The following TMEM132C variants were observed in gnomAD, a reference collection of about 807,000 sequenced individuals.
TMEM132C encodes protein phosphatase 1, regulatory subunit 152.
Under a neutral mutation model 61.4 loss-of-function variants are expected in TMEM132C, and 29 were observed. The ratio of observed to expected loss-of-function variants is 0.47; its 90% CI spans 0.35 to 0.64. The LOEUF (loss-of-function observed/expected upper bound fraction) is 0.64, where lower values mean the gene tolerates loss of function less well. Ranked by LOEUF, TMEM132C falls within the 30% of genes least tolerant of loss-of-function variation. TMEM132C has a pLI of 0.00. For synonymous variants in TMEM132C, 656 were observed against 633.1 expected, an observed-to-expected ratio of 1.04 and a Z score of -0.54; for missense variants, 1,408 against 1,476.9, an observed-to-expected ratio of 0.95 and a Z score of 0.76.
chr12:128,655,736 A>G (rs1954319952), intron 4 of TMEM132C, among the ~76,000 whole-genome samples: 1 of 152,026 alleles, frequency 6.6e-6, no homozygotes, highest in Non-Finnish European at 1.5e-5. Flanking sequence ...ACTCCCTGCC[A>G]TTCCCAAACT....
At chr12:128,544,576 A>G (rs1873884650) in intron 3 of TMEM132C, among the ~76,000 whole-genome samples, 1 of 152,218 alleles carries the variant, frequency 6.6e-6, no homozygotes, top group African/African-American at 2.4e-5. Context: ...GATTTTTTAA[A>G]ATAATTGTTT....
chr12:128,519,147 CT>C (rs1472810406), intron 2 of TMEM132C, among the ~76,000 whole-genome samples: 2 of 152,304 alleles, frequency 1.3e-5, no homozygotes, highest in East Asian at 1.9e-4. Flanking sequence ...TAATTTTCCC[CT>C]CATCAGTACA....
At chr12:128,640,378 A>G (rs1954148289) in intron 4 of TMEM132C, among the ~76,000 whole-genome samples, 1 of 152,200 alleles carries the variant, frequency 6.6e-6, no homozygotes, top group African/African-American at 2.4e-5. Context: ...ACCAGTCACA[A>G]AAGACCACAT....
chr12:128,292,349 C>T (rs1315705421), intron 1 of TMEM132C, among the ~76,000 whole-genome samples: 5 of 152,196 alleles, frequency 3.3e-5, no homozygotes, highest in African/African-American at 9.6e-5. Flanking sequence ...GACAGGCCCA[C>T]ACTTCCCCAC....
chr12:128,457,612 C>G (rs1870391418), intron 2 of TMEM132C, among the ~76,000 whole-genome samples: 1 of 151,764 alleles, frequency 6.6e-6, no homozygotes. Flanking sequence ...CTAGTGATGC[C>G]TAATGGTATA....
chr12:128,391,867 G>A (rs1450563741), intron 1 of TMEM132C, among the ~76,000 whole-genome samples: 1 of 152,106 alleles, frequency 6.6e-6, no homozygotes, highest in African/African-American at 2.4e-5. Context: ...GCTTTTATAT[G>A]GCCTTCGAAC....
At chr12:128,427,471 C>A (rs1869234161) in intron 2 of TMEM132C, among the ~76,000 whole-genome samples, 1 of 145,344 alleles carries the variant, frequency 6.9e-6, no homozygotes, top group African/African-American at 2.6e-5. Flanking sequence ...GTGGGGACAT[C>A]CAGGAACACA....
At chr12:128,587,314 C>T (rs1875585754) in intron 3 of TMEM132C, among the ~76,000 whole-genome samples, 3 of 152,176 alleles carry the variant, frequency 2.0e-5, no homozygotes, top group Admixed American at 6.5e-5. Context: ...ATTCTGTATC[C>T]GGTGAGGGCT....
intron 1 of TMEM132C, among the ~76,000 whole-genome samples, chr12:128,291,313 G>C (rs973460264): frequency 1.3e-5 from 2 of 152,146 alleles, no homozygotes; most frequent in African/African-American, 4.8e-5. Flanking sequence ...TCACCCTATA[G>C]TGCAGAGTTT....
intron 5 of TMEM132C, among the ~76,000 whole-genome samples, chr12:128,680,216 C>T (rs1000915812): frequency 6.6e-6 from 1 of 152,082 alleles, no homozygotes; most frequent in Non-Finnish European, 1.5e-5. Context: ...GTAGATCACT[C>T]GAGAAAGGAT....
intron 2 of TMEM132C, among the ~76,000 whole-genome samples, chr12:128,539,964 CTCTT>C (rs1207335023): frequency 6.6e-6 from 1 of 152,056 alleles, no homozygotes; most frequent in African/African-American, 2.4e-5. Flanking sequence ...ATGATTCATC[CTCTT>C]TCTTTTCTCT....
Position 128,415,121 on chromosome 12 carries a change from G to A in TMEM132C, c.475G>A (p.Asp159Asn), listed in dbSNP as rs1227239444. ...VLFHIMGRDW[D>N]DHGAGEKLPC... ...TTTCCACATCATGGGCAGAGACTGG[G>A]ATGACCACGGCGCCGGGGAGAAGCT... Residue 159 changes from aspartate (D) to asparagine (N), a missense_variant, in exon 2 of 9, where the codon GAT becomes AAT. Asp to Asn is a conservative substitution (Grantham distance 23). Transcript: ENST00000435159. The surrounding 1 kb of genome is among the most constrained non-coding windows in gnomAD (Gnocchi z 5.8). 6.2e-7 allele frequency: 1 copy of A among 1,609,686 alleles called. No homozygotes were observed. The highest frequency in any genetic ancestry group is 8.5e-7 in the Non-Finnish European group (1 of 1,178,046).
Position 128,705,508 on chromosome 12 carries a change from A to G in TMEM132C, c.2540A>G (p.Glu847Gly). The G allele has an allele frequency of 6.4e-7, 1 of 1,550,936 alleles. No individual in the cohort carries two copies. Among genetic ancestry groups the G allele is most frequent in the African/African-American group, 1.4e-5 (1 of 73,164 alleles). ...DGHLYGSSPV[E>G]REEGALRRAT... ...CACCTCTATGGCAGCTCTCCCGTGG[A>G]GCGTGAGGAAGGGGCTCTCCGAAGA... Residue 847 changes from glutamate (E) to glycine (G), a missense_variant, in exon 9 of 9, where the codon GAG becomes GGG. Glu to Gly is a moderately conservative substitution (Grantham distance 98). Coordinates refer to ENST00000435159, the MANE Select transcript of TMEM132C (RefSeq NM_001136103.3).
At chr12:128,519,596 G>T (rs1289383336) in intron 2 of TMEM132C, among the ~76,000 whole-genome samples, 7 of 152,188 alleles carry the variant, frequency 4.6e-5, no homozygotes, top group Non-Finnish European at 1.0e-4. Flanking sequence ...CACGGACTAA[G>T]CCTTCCTTAT....
intron 1 of TMEM132C, among the ~76,000 whole-genome samples, chr12:128,400,768 C>T (rs1323375912): frequency 1.3e-5 from 2 of 152,036 alleles, no homozygotes; most frequent in African/African-American, 2.4e-5. Flanking sequence ...ACCACCATAC[C>T]TGGCTAATTT....
At chr12:128,499,244 T>C (rs1381127603) in intron 2 of TMEM132C, among the ~76,000 whole-genome samples, 2 of 152,196 alleles carry the variant, frequency 1.3e-5, no homozygotes, top group Non-Finnish European at 2.9e-5. Context: ...CAATTGATTT[T>C]CTTTTTTAAA....
intron 2 of TMEM132C, among the ~76,000 whole-genome samples, chr12:128,424,270 A>G (rs926086259): frequency 6.6e-6 from 1 of 152,140 alleles, no homozygotes; most frequent in Non-Finnish European, 1.5e-5. Context: ...CAAAACACAT[A>G]AATGTTCACA....
intron 1 of TMEM132C, among the ~76,000 whole-genome samples, chr12:128,396,940 A>C (rs2136005574): frequency 6.6e-6 from 1 of 152,352 alleles, no homozygotes; most frequent in African/African-American, 2.4e-5. Flanking sequence ...GCAAAGCTGC[A>C]GTGGACACCT....
At chr12:128,340,382 T>C (rs1388013519) in intron 1 of TMEM132C, among the ~76,000 whole-genome samples, 1 of 152,238 alleles carries the variant, frequency 6.6e-6, no homozygotes, top group Non-Finnish European at 1.5e-5. Context: ...ATTGTCTTAT[T>C]ACAGTAAAGC....
Sources: gnomAD v4.1 joint callset for allele counts (sites outside exome capture counted in the v4.1 genomes callset) on GRCh38, gnomAD v4.1.1 for gene constraint, Gnocchi (gnomAD v3.1) non-coding constraint, MANE v1.5 for transcripts, NCBI Gene and HGNC (gene_info 2026-07-23, HGNC 2026-07-21) for gene names.